The following WWOX variants were observed in gnomAD, a reference collection of about 807,000 sequenced individuals.
WWOX encodes WW domain containing oxidoreductase.
WWOX carries 69 observed loss-of-function variants against 46.2 expected under a neutral mutation model. That is an observed-to-expected ratio of 1.49 (90% confidence interval 1.23 to 1.82). The LOEUF is 1.82. Among genes scored for constraint, WWOX ranks in the 40% most tolerant of loss-of-function variants. WWOX has a pLI of 0.00. For synonymous variants in WWOX, 359 were observed against 202.6 expected (o/e 1.77, Z -6.56); for missense variants, 919 against 542.6 (o/e 1.69, Z -6.89).
intron 8 of WWOX, among the ~76,000 whole-genome samples, chr16:78,453,832 AT>A (rs10718327): frequency 0.19 from 28,219 of 151,408 alleles, 4,044 homozygotes; most frequent in African/African-American, 0.39. Context: ...TACCAAAACC[AT>A]TTTTTTTTAT....
At chr16:78,930,909 C>G (rs1050442117) in intron 8 of WWOX, among the ~76,000 whole-genome samples, 9 of 152,076 alleles carry the variant, frequency 5.9e-5, no homozygotes, top group South Asian at 2.1e-4. Context: ...TCAATTAGTT[C>G]TGGGTTCGTT....
At chr16:78,956,604 A>G (rs1443371539) in intron 8 of WWOX, among the ~76,000 whole-genome samples, 3 of 148,932 alleles carry the variant, frequency 2.0e-5, no homozygotes, top group Non-Finnish European at 4.5e-5. Flanking sequence ...ATATTGTATC[A>G]TATCATATCA....
intron 8 of WWOX, among the ~76,000 whole-genome samples, chr16:78,630,027 C>A (rs1406137264): frequency 2.0e-5 from 3 of 152,184 alleles, no homozygotes; most frequent in East Asian, 1.9e-4. Context: ...TTAGCACTTA[C>A]AATGTCTCAC....
chr16:78,956,014 T>C (rs1459317547), intron 8 of WWOX, among the ~76,000 whole-genome samples: 1 of 151,146 alleles, frequency 6.6e-6, no homozygotes, highest in African/African-American at 2.4e-5. Flanking sequence ...AAAAAAAACT[T>C]TTTTTTTTAG....
intron 5 of WWOX, among the ~76,000 whole-genome samples, chr16:78,360,073 G>C (rs565673125): frequency 6.6e-6 from 1 of 152,206 alleles, no homozygotes; most frequent in East Asian, 1.9e-4. Context: ...ATTTAAGCTT[G>C]TCAAAAAGAT....
At chr16:78,539,465 G>T (rs1325265083) in intron 8 of WWOX, among the ~76,000 whole-genome samples, 1 of 152,198 alleles carries the variant, frequency 6.6e-6, no homozygotes, top group Non-Finnish European at 1.5e-5. Context: ...TTCTCTTCCA[G>T]TAAGCAATTC....
At chr16:79,176,223 G>A (rs1050752847) in intron 8 of WWOX, among the ~76,000 whole-genome samples, 1 of 152,196 alleles carries the variant, frequency 6.6e-6, no homozygotes, top group African/African-American at 2.4e-5. Context: ...AGCAACATAA[G>A]TGGGTAGTCC....
intron 8 of WWOX, among the ~76,000 whole-genome samples, chr16:78,815,280 G>C (rs190476184): frequency 1.3e-5 from 2 of 151,530 alleles, no homozygotes; most frequent in African/African-American, 4.8e-5. Context: ...AGCCAAGATT[G>C]TGCCACTGCA....
intron 8 of WWOX, among the ~76,000 whole-genome samples, chr16:78,833,259 C>G (rs140431611): frequency 4.6e-4 from 70 of 152,138 alleles, no homozygotes; most frequent in Non-Finnish European, 7.2e-4. Context: ...TTTCTCCAGT[C>G]TGGTCTTGAA....
intron 8 of WWOX, among the ~76,000 whole-genome samples, chr16:78,664,752 A>C (rs373893716): frequency 6.6e-6 from 1 of 152,216 alleles, no homozygotes; most frequent in African/African-American, 2.4e-5. Context: ...TTGAGGCTCA[A>C]TTATTAAAGT....
chr16:78,646,301 A>G (rs1429575385), intron 8 of WWOX, among the ~76,000 whole-genome samples: 2 of 152,202 alleles, frequency 1.3e-5, no homozygotes, highest in Non-Finnish European at 2.9e-5. Context: ...GGTGTGAGCC[A>G]GTACACTTGG....
chr16:78,443,693 C>A (rs572532776), intron 8 of WWOX, among the ~76,000 whole-genome samples: 15 of 152,252 alleles, frequency 9.9e-5, no homozygotes, highest in African/African-American at 3.4e-4. Flanking sequence ...TTGCAATTCC[C>A]CTAGTTTTAT....
At chr16:79,076,860 T>C (rs1290050362) in intron 8 of WWOX, among the ~76,000 whole-genome samples, 6 of 152,354 alleles carry the variant, frequency 3.9e-5, no homozygotes, top group African/African-American at 1.2e-4. Flanking sequence ...CTAACATGTA[T>C]CAGACGCTTG....
intron 8 of WWOX, among the ~76,000 whole-genome samples, chr16:78,784,539 C>G (rs1176511199): frequency 1.3e-5 from 2 of 151,822 alleles, no homozygotes; most frequent in African/African-American, 4.8e-5. Context: ...TCTCTCTGAG[C>G]TCAGTCTCCT....
intron 4 of WWOX, among the ~76,000 whole-genome samples, chr16:78,156,008 G>A (rs574889390): frequency 4.6e-5 from 7 of 152,250 alleles, no homozygotes; most frequent in African/African-American, 1.4e-4. Context: ...TGTTCCAAAG[G>A]CAATTGTAAA....
intron 8 of WWOX, among the ~76,000 whole-genome samples, chr16:78,864,236 A>G (rs1372603934): frequency 1.3e-5 from 2 of 151,984 alleles, no homozygotes; most frequent in Admixed American, 6.6e-5. Flanking sequence ...ATATCTGAAG[A>G]TAATACAGAA....
At chr16:78,316,127 C>G (rs749956981) in intron 5 of WWOX, among the ~76,000 whole-genome samples, 7 of 151,954 alleles carry the variant, frequency 4.6e-5, no homozygotes, top group African/African-American at 7.3e-5. Context: ...CACCTGTGGT[C>G]CCAGCTACTT....
chr16:78,620,004 G>C (rs1345046733), intron 8 of WWOX, among the ~76,000 whole-genome samples: 2 of 152,138 alleles, frequency 1.3e-5, no homozygotes, highest in African/African-American at 2.4e-5. Flanking sequence ...TTAACCAAGT[G>C]AAAGAGAAAA....
chr16:78,184,565 C>T (rs1250728608), intron 5 of WWOX, among the ~76,000 whole-genome samples: 1 of 146,646 alleles, frequency 6.8e-6, no homozygotes, highest in South Asian at 2.2e-4. Flanking sequence ...TATTTTTTCC[C>T]CGTTTATACT....
Sources: gnomAD v4.1 joint callset for allele counts (sites outside exome capture counted in the v4.1 genomes callset) on GRCh38, gnomAD v4.1.1 for gene constraint, MANE v1.5 for transcripts, NCBI Gene and HGNC (gene_info 2026-07-23, HGNC 2026-07-21) for gene names.